The following STIM1 variants were observed in gnomAD, a reference collection of about 807,000 sequenced individuals.
STIM1 encodes stromal interaction molecule 1.
A neutral mutation model predicts 74.7 loss-of-function variants in STIM1; 25 were observed. The observed-to-expected ratio is 0.33, with a 90% CI of 0.24 to 0.47. The LOEUF is 0.47. Among genes scored for constraint, STIM1 ranks in the 20% least tolerant of loss-of-function variants. The pLI, the probability that STIM1 is intolerant of heterozygous loss-of-function variation, is 1.00. For missense variants in STIM1, 728 were observed against 920.8 expected (o/e 0.79, Z 2.71); for synonymous variants, 328 against 348.8 (o/e 0.94, Z 0.66).
At chr11:4,006,511 T>G (rs1029215139) in intron 2 of STIM1, among the ~76,000 whole-genome samples, 8 of 152,132 alleles carry the variant, frequency 5.3e-5, no homozygotes, top group Non-Finnish European at 1.2e-4. Context: ...GTTTCCTGGG[T>G]TCAAGCGATT....
In STIM1 at chr11:3,923,481, C is replaced by T. The variant is rs554539037; in HGVS notation, c.140-44071C>T. Reference sequence around the variant, plus strand: ...AAAATCATCTGTGCATGGTGGTGTACGCCTGTAATCCCAGCTACTTGGGAG... The same window carrying T: ...AAAATCATCTGTGCATGGTGGTGTATGCCTGTAATCCCAGCTACTTGGGAG... On this transcript the variant is annotated intron_variant, in intron 1 of 12. Transcript: ENST00000526596. 2.2e-4 allele frequency among the ~76,000 whole-genome samples: 34 copies of T among 151,852 alleles called. 1 individual carries two copies. The highest frequency in any genetic ancestry group is 5.6e-4 in the African/African-American group (23 of 41,382).
chr11:4,016,847 A>G (rs951704867), intron 2 of STIM1, among the ~76,000 whole-genome samples: 1 of 152,210 alleles, frequency 6.6e-6, no homozygotes, highest in African/African-American at 2.4e-5. Context: ...GCAGCAAGGA[A>G]GGCTCTGTGT....
At chr11:4,059,110 T>C (rs1047861335) in intron 4 of STIM1, among the ~76,000 whole-genome samples, 171 bp from the exon 5 acceptor site, 1 of 152,152 alleles carries the variant, frequency 6.6e-6, no homozygotes, top group Non-Finnish European at 1.5e-5. Flanking sequence ...ATGTTATGTG[T>C]CTCTCCATAT....
At chr11:3,950,650 A>G (rs1213585965) in intron 1 of STIM1, among the ~76,000 whole-genome samples, 1 of 151,806 alleles carries the variant, frequency 6.6e-6, no homozygotes, top group East Asian at 1.9e-4. Flanking sequence ...TTTTGAGAGA[A>G]GGTCTCGCTC....
At chr11:4,055,870 G>T (rs2094285209) in intron 4 of STIM1, among the ~76,000 whole-genome samples, 1 of 152,162 alleles carries the variant, frequency 6.6e-6, no homozygotes, top group African/African-American at 2.4e-5. Flanking sequence ...ACTGATAGCT[G>T]CCATTTACTG....
At chr11:4,073,048 GTTTTT>G (rs56009858) in intron 6 of STIM1, among the ~76,000 whole-genome samples, 1 of 82,802 alleles carries the variant, frequency 1.2e-5, no homozygotes, top group Non-Finnish European at 2.2e-5. Flanking sequence ...GGACTTAGAG[GTTTTT>G]TTTTTTTTTT....
intron 2 of STIM1, chr11:3,973,410 T>C (rs2093414765): frequency 1.0e-5 from 4 of 385,776 alleles, no homozygotes; most frequent in African/African-American, 6.3e-5. Context: ...TTTCTTTTTT[T>C]TTCTCTCGAG....
At chr11:3,897,741 A>G (rs2092229965) in intron 1 of STIM1, among the ~76,000 whole-genome samples, 1 of 149,634 alleles carries the variant, frequency 6.7e-6, no homozygotes, top group Non-Finnish European at 1.5e-5. Context: ...TTCAATTCCC[A>G]CCTATGAGTG....
intron 3 of STIM1, among the ~76,000 whole-genome samples, chr11:4,052,527 C>T (rs868152098): frequency 2.6e-5 from 4 of 152,168 alleles, no homozygotes; most frequent in Non-Finnish European, 5.9e-5. Flanking sequence ...GGAAAACTGG[C>T]TAGCCATATG....
intron 3 of STIM1, among the ~76,000 whole-genome samples, chr11:4,038,786 G>T (rs2094124547): frequency 6.6e-6 from 1 of 152,084 alleles, no homozygotes; most frequent in Non-Finnish European, 1.5e-5. Flanking sequence ...CTACTGCTAT[G>T]TATCTTTCAC....
chr11:3,938,454 T>C (rs773539888), intron 1 of STIM1, among the ~76,000 whole-genome samples: 2 of 152,220 alleles, frequency 1.3e-5, no homozygotes, highest in Non-Finnish European at 2.9e-5. Flanking sequence ...TTATGTTTTA[T>C]CATTAAAACA....
At position 3,895,604 on chromosome 11, in the gene STIM1, C is replaced by CT. The variant is rs760974467; in HGVS notation, c.139+39196dup. ...GTTCCGGGAATAGTGTTCTTTCTTT[C>CT]TCTCTCTTTCTTTCTTTCTTTCTTT... is the stretch of plus-strand genomic sequence containing the variant. On this transcript the variant is annotated intron_variant, in intron 1 of 12. Transcript: ENST00000526596. 5.7e-5 allele frequency among the ~76,000 whole-genome samples: 2 copies of CT among 35,102 alleles called. 1 individual carries two copies. The highest frequency in any genetic ancestry group is 9.5e-5 in the Non-Finnish European group (2 of 21,022). 23.0% of individuals were successfully genotyped at this position (35,102 alleles called of 152,430 possible).
chr11:4,086,156 G>A (rs1191344411), intron 11 of STIM1: 1 of 411,478 alleles, frequency 2.4e-6, no homozygotes, highest in Non-Finnish European at 4.4e-6. Flanking sequence ...TGCTCTCCCG[G>A]ACCTTATCCC....
intron 1 of STIM1, among the ~76,000 whole-genome samples, chr11:3,882,480 C>T (rs1590522991): frequency 6.6e-6 from 1 of 152,286 alleles, no homozygotes; most frequent in South Asian, 2.1e-4. Context: ...CACACGTGGG[C>T]AATTTGGGCT....
intron 3 of STIM1, among the ~76,000 whole-genome samples, chr11:4,036,334 T>A (rs570010360): frequency 6.6e-6 from 1 of 152,208 alleles, no homozygotes; most frequent in South Asian, 2.1e-4. Context: ...CATTTATCTT[T>A]ATAATAGAAT....
chr11:3,939,763 G>C (rs2092982111), intron 1 of STIM1, among the ~76,000 whole-genome samples: 1 of 152,134 alleles, frequency 6.6e-6, no homozygotes, highest in South Asian at 2.1e-4. Flanking sequence ...CTAGGAACAA[G>C]GAAGATTCTT....
chr11:3,870,107 A>G (rs1364874119), intron 1 of STIM1, among the ~76,000 whole-genome samples: 1 of 152,200 alleles, frequency 6.6e-6, no homozygotes, highest in African/African-American at 2.4e-5. Flanking sequence ...CAGGAACCAA[A>G]TAATTCTTTC....
At chr11:3,975,471 T>C (rs748674128) in intron 2 of STIM1, among the ~76,000 whole-genome samples, 13 of 150,804 alleles carry the variant, frequency 8.6e-5, no homozygotes, top group Non-Finnish European at 1.2e-4. Flanking sequence ...ACAAAAAAAT[T>C]AGCTGGTGTG....
chr11:3,945,832 G>T (rs1222544308), intron 1 of STIM1, among the ~76,000 whole-genome samples: 1 of 152,170 alleles, frequency 6.6e-6, no homozygotes, highest in Non-Finnish European at 1.5e-5. Flanking sequence ...GAAGCATGGT[G>T]CTGGCAACTG....
Sources: gnomAD v4.1 joint callset for allele counts (sites outside exome capture counted in the v4.1 genomes callset) on GRCh38, gnomAD v4.1.1 for gene constraint, MANE v1.5 for transcripts, NCBI Gene and HGNC (gene_info 2026-07-23, HGNC 2026-07-21) for gene names.